DEPDC4: variants seen among roughly 807,000 people sequenced by gnomAD.
DEPDC4 encodes DEP domain containing 4.
In DEPDC4, 52 loss-of-function variants were observed where a neutral mutation model predicts 52.0. The observed-to-expected ratio is 1.00, with a 90% CI of 0.80 to 1.26. DEPDC4 has a LOEUF of 1.26. Ranked by LOEUF, DEPDC4 falls within the 50% of genes most tolerant of loss-of-function variation. The pLI is 0.00. For synonymous variants in DEPDC4, 201 were observed against 196.8 expected, an observed-to-expected ratio of 1.02 and a Z score of -0.18; for missense variants, 530 against 546.9, an observed-to-expected ratio of 0.97 and a Z score of 0.31.
At chr12:100,261,796 C>T in intron 3 of DEPDC4, 1 of 456,316 alleles carries the variant, frequency 2.2e-6, no homozygotes, top group Non-Finnish European at 4.4e-6. Context: ...AGGGAGTCAA[C>T]ACACTAATAC....
chr12:100,249,288 T>C (rs2096198412), intron 7 of DEPDC4, among the ~76,000 whole-genome samples: 1 of 152,186 alleles, frequency 6.6e-6, no homozygotes, highest in Non-Finnish European at 1.5e-5. Context: ...TTAAATAACA[T>C]TACATTGTAA....
chr12:100,243,416 G>A (rs899416229), intron 8 of DEPDC4, among the ~76,000 whole-genome samples: 8 of 152,096 alleles, frequency 5.3e-5, no homozygotes, highest in African/African-American at 1.9e-4. Flanking sequence ...TGCTCCCCTT[G>A]TAAACCCTCA....
intron 3 of DEPDC4, among the ~76,000 whole-genome samples, chr12:100,261,989 T>C (rs1342248323): frequency 6.6e-6 from 1 of 152,146 alleles, no homozygotes; most frequent in Non-Finnish European, 1.5e-5. Context: ...TACAAACCCA[T>C]AGAATGTACA....
chr12:100,277,869 T>C, the DEPDC4 span, among the ~76,000 whole-genome samples: 9 of 152,238 alleles, frequency 5.9e-5, no homozygotes, highest in East Asian at 1.7e-3. Flanking sequence ...TTATATCACT[T>C]TATTATTTTG....
At chr12:100,249,409 G>A (rs1030778850) in intron 7 of DEPDC4, among the ~76,000 whole-genome samples, 3 of 152,132 alleles carry the variant, frequency 2.0e-5, no homozygotes, top group African/African-American at 7.2e-5. Context: ...AGTACTTTGG[G>A]AGGGTGAAGT....
At chr12:100,263,127 A>C (rs1429485544) in intron 2 of DEPDC4, among the ~76,000 whole-genome samples, 1 of 152,150 alleles carries the variant, frequency 6.6e-6, no homozygotes, top group African/African-American at 2.4e-5. Flanking sequence ...ACATCCCGCT[A>C]ATTTTTGTAT....
Position 100,252,542 on chromosome 12 carries a change from A to T in DEPDC4, c.1106-6T>A. The T allele has an allele frequency of 6.3e-7, 1 of 1,586,810 alleles. No individual in the cohort carries two copies. The highest frequency in any genetic ancestry group is 8.5e-7 in the Non-Finnish European group (1 of 1,169,870). ...TTCTGCTCTTTTCTCATTTTCTGTT[A>T]TATAGGTTACAAAGAAAACAAAGCA... On this transcript the variant is annotated splice_polypyrimidine_tract_variant and splice_region_variant and intron_variant, in intron 5 of 9. Transcript: ENST00000550587.
chr12:100,261,874 T>G (rs2153922920), intron 3 of DEPDC4: 3 of 443,840 alleles, frequency 6.8e-6, no homozygotes, highest in South Asian at 4.8e-5. Flanking sequence ...TGCCTAAGGT[T>G]AGAGAGAAGG....
At chr12:100,266,456 GA>G (rs1262908518) in intron 1 of DEPDC4, among the ~76,000 whole-genome samples, 4 of 152,120 alleles carry the variant, frequency 2.6e-5, no homozygotes, top group Non-Finnish European at 5.9e-5. Context: ...GTTTTCCATA[GA>G]CAGTCTACCT....
intron 9 of DEPDC4, among the ~76,000 whole-genome samples, chr12:100,233,623 A>C (rs1399981735): frequency 6.6e-6 from 1 of 152,222 alleles, no homozygotes. Flanking sequence ...GATTATACTC[A>C]TGAATGAATT....
chr12:100,261,890 A>G (rs994776651), intron 3 of DEPDC4: 4 of 430,424 alleles, frequency 9.3e-6, no homozygotes, highest in African/African-American at 6.1e-5. Context: ...GAAGGGAGGA[A>G]TGAGTAGGTA....
intron 8 of DEPDC4, among the ~76,000 whole-genome samples, chr12:100,244,219 C>T (rs2096175262): frequency 1.3e-5 from 2 of 150,010 alleles, no homozygotes; most frequent in African/African-American, 2.5e-5. Flanking sequence ...CTCTCTCTGT[C>T]GCCCAGGCTG....
rs181756451 is a variant in DEPDC4 at position 100,262,470 on chromosome 12, A to G, written c.555-61T>C. On this transcript the variant is annotated intron_variant, in intron 2 of 9. Transcript: ENST00000550587. ...CACAGAACCAAAATTTCAAATATAT[A>G]TTTAAATTAATGTATTAAAATTTAT... 68 of 1,282,460 alleles carry G rather than the reference A, an allele frequency of 5.3e-5. No homozygotes were observed. In the East Asian group the frequency reaches 9.0e-4, roughly 17 times the overall value. The allele number at this position is 1,282,460 out of a possible 1,614,324, so 79.4% of individuals were successfully genotyped here. A position where few individuals can be genotyped will look rare whatever the true frequency, so the allele number is the denominator to read the frequency against.
At chr12:100,234,474 G>A (rs1210584913) in intron 9 of DEPDC4, among the ~76,000 whole-genome samples, 1 of 152,202 alleles carries the variant, frequency 6.6e-6, no homozygotes, top group Non-Finnish European at 1.5e-5. Flanking sequence ...TGAGGAACCT[G>A]ATTGGATATT....
At chr12:100,250,102 T>C (rs2096201580) in intron 7 of DEPDC4, among the ~76,000 whole-genome samples, 1 of 152,162 alleles carries the variant, frequency 6.6e-6, no homozygotes, top group Non-Finnish European at 1.5e-5. Flanking sequence ...CTCTAATCTC[T>C]AGAAACCAAC....
At chr12:100,261,180 CAAAAA>C (rs536040088) in intron 3 of DEPDC4, among the ~76,000 whole-genome samples, 2 of 68,462 alleles carry the variant, frequency 2.9e-5, no homozygotes, top group Admixed American at 1.7e-4. Flanking sequence ...GACTCCGTCT[CAAAAA>C]AAAAAAAAAA....
In DEPDC4 at chr12:100,240,344, A is replaced by G. The variant is rs1348930385; in HGVS notation, c.*1548T>C. 6.6e-6 allele frequency among the ~76,000 whole-genome samples: 1 copy of G among 151,940 alleles called. No individual in the cohort carries two copies. Among genetic ancestry groups the G allele is most frequent in the Admixed American group, 6.6e-5 (1 of 15,240 alleles). On this transcript the variant is annotated 3_prime_UTR_variant, in exon 10 of 10. Transcript: ENST00000550587. ...TAAATTTTTTTTTTGTAGTTTTTGTAGAGATAGGGGCAGGGTCTCACTATT... is the reference window on the plus strand; with the variant it reads ...TAAATTTTTTTTTTGTAGTTTTTGTGGAGATAGGGGCAGGGTCTCACTATT...
rs778209940 is a variant in DEPDC4 at position 100,263,496 on chromosome 12, C to A, written c.554+1G>T. The stretch of plus-strand genomic sequence containing the variant: ...ATTACAGTATCTTAGGTAACACTAA[C>A]CTCAAGGTTTCATTGAACTCATTCT... On this transcript the variant is annotated splice_donor_variant, in intron 2 of 9. Transcript: ENST00000550587. LOFTEE classifies it high-confidence loss of function. The A allele has an allele frequency of 2.5e-6, 4 of 1,573,348 alleles. No individual in the cohort carries two copies. The East Asian group carries it at 6.7e-5, about 26-fold the overall frequency.
chr12:100,270,075 C>T (rs1396270625), upstream of DEPDC4, among the ~76,000 whole-genome samples: 2 of 151,918 alleles, frequency 1.3e-5, no homozygotes, highest in South Asian at 2.1e-4. Context: ...CAAGCTCCGC[C>T]TCCCAGGTTC....
Sources: gnomAD v4.1 joint callset for allele counts (sites outside exome capture counted in the v4.1 genomes callset) on GRCh38, gnomAD v4.1.1 for gene constraint, MANE v1.5 for transcripts, NCBI Gene and HGNC (gene_info 2026-07-23, HGNC 2026-07-21) for gene names.